Variants in LRRC75A observed in about 807,000 individuals in gnomAD.
The protein encoded by LRRC75A is leucine-rich repeat-containing protein 75A.
A neutral mutation model predicts 26.0 loss-of-function variants in LRRC75A; 12 were observed. The observed-to-expected ratio is 0.46, with a 90% confidence interval of 0.30 to 0.75. LRRC75A has a LOEUF of 0.75. Ranked by LOEUF, LRRC75A falls within the 30% of genes least tolerant of loss-of-function variation. The pLI is 0.08. For synonymous variants in LRRC75A, 223 were observed against 219.3 expected (o/e 1.02, Z -0.15); for missense variants, 410 against 486.6 (o/e 0.84, Z 1.48).
At chr17:16,472,307 C>T (rs1013035377) in intron 1 of LRRC75A, among the ~76,000 whole-genome samples, 3 of 151,388 alleles carry the variant, frequency 2.0e-5, no homozygotes, top group East Asian at 1.9e-4. Flanking sequence ...TGGGGCCTGG[C>T]GAGAGGAACC....
intron 2 of LRRC75A, among the ~76,000 whole-genome samples, chr17:16,459,720 TTC>T (rs1320164119): frequency 1.1e-4 from 16 of 152,176 alleles, no homozygotes; most frequent in Non-Finnish European, 1.9e-4. Flanking sequence ...TGACATGAAC[TTC>T]TCAGATGCAA....
intron 1 of LRRC75A, among the ~76,000 whole-genome samples, chr17:16,466,098 A>G (rs945084643): frequency 6.6e-6 from 1 of 152,234 alleles, no homozygotes; most frequent in African/African-American, 2.4e-5. Flanking sequence ...AACTGAGGGC[A>G]CTTCATAGTC....
At chr17:16,482,466 G>A (rs1337566890) in intron 1 of LRRC75A, among the ~76,000 whole-genome samples, 1 of 152,162 alleles carries the variant, frequency 6.6e-6, no homozygotes, top group Non-Finnish European at 1.5e-5. Context: ...GGAAGGCCAA[G>A]TGGGCAGGAG....
At chr17:16,463,352 C>G (rs1052560049) in intron 1 of LRRC75A, 1 of 152,508 alleles carries the variant, frequency 6.6e-6, no homozygotes, top group African/African-American at 2.4e-5. Context: ...CCCCCCCCTC[C>G]CAATTTCTGC....
chr17:16,455,057 C>T (rs1317988901), intron 2 of LRRC75A, among the ~76,000 whole-genome samples: 1 of 151,960 alleles, frequency 6.6e-6, no homozygotes, highest in Non-Finnish European at 1.5e-5. Flanking sequence ...CTTAGCCTCC[C>T]GAGTAGCTGG....
At chr17:16,468,306 G>A (rs1050742367) in intron 1 of LRRC75A, among the ~76,000 whole-genome samples, 4 of 152,194 alleles carry the variant, frequency 2.6e-5, no homozygotes, top group South Asian at 2.1e-4. Context: ...AAAACAATCC[G>A]GGTGGCCATG....
chr17:16,443,472 C>T lies in LRRC75A; in HGVS notation c.*116G>A. 6.0e-6 allele frequency: 6 copies of T among 1,006,412 alleles called. No homozygotes were observed. Among genetic ancestry groups the T allele is most frequent in the Non-Finnish European group, 4.2e-6 (3 of 714,718 alleles). The allele number at this position is 1,006,412 out of a possible 1,614,324, so 62.3% of individuals were successfully genotyped here. A position where few individuals can be genotyped will look rare whatever the true frequency, so the allele number is the denominator to read the frequency against. ...GGTTTGCCTTTCTGTAGGTGGGTGGCCCAGGCCAATTTTTGGCAATATCCT... is the reference window on the plus strand; with the variant it reads ...GGTTTGCCTTTCTGTAGGTGGGTGGTCCAGGCCAATTTTTGGCAATATCCT... On this transcript the variant is annotated 3_prime_UTR_variant, in exon 4 of 4. Coordinates refer to ENST00000470794, the MANE Select transcript of LRRC75A (RefSeq NM_001113567.3).
chr17:16,443,346 C>T lies in LRRC75A; in HGVS notation c.*242G>A, dbSNP rs1335672719. Reference sequence around the variant, plus strand: ...GCTGAGCTGAGAGGGTTCTCTGGGGCCTGGGATGACTTAAGAACCAAATGG... The same window carrying T: ...GCTGAGCTGAGAGGGTTCTCTGGGGTCTGGGATGACTTAAGAACCAAATGG... On this transcript the variant is annotated 3_prime_UTR_variant, in exon 4 of 4. Transcript: ENST00000470794. The T allele has an allele frequency of 2.0e-6, 1 of 489,434 alleles. No homozygotes were observed. Among genetic ancestry groups the T allele is most frequent in the Non-Finnish European group, 3.6e-6 (1 of 276,790 alleles). The allele number at this position is 489,434 out of a possible 1,614,324, so 30.3% of individuals were successfully genotyped here. A position where few individuals can be genotyped will look rare whatever the true frequency, so the allele number is the denominator to read the frequency against.
chr17:16,447,876 G>C lies in LRRC75A; in HGVS notation c.460C>G (p.Arg154Gly). The C allele has an allele frequency of 1.9e-6, 3 of 1,549,346 alleles. No individual in the cohort carries two copies. The highest frequency in any genetic ancestry group is 8.7e-7 in the Non-Finnish European group (1 of 1,146,366). The change falls in exon 3 of 4, where the codon CGG (arginine) becomes GGG (glycine). Residue 154 changes from arginine (R) to glycine (G), a missense_variant. Transcript: ENST00000470794. ...LSPHSQWRRHRGLVKRKPQAC... is the reference protein window; with the variant it reads ...LSPHSQWRRHGGLVKRKPQAC... ...TGTGGCTTCCTTTTCACCAGCCCCC[G>C]GTGCCGCCTCCACTGGGAGTGGGGG... is the stretch of plus-strand genomic sequence containing the variant.
chr17:16,485,658 G>GTC (rs2093844883), intron 1 of LRRC75A, among the ~76,000 whole-genome samples: 3 of 130,728 alleles, frequency 2.3e-5, no homozygotes, highest in South Asian at 4.6e-4. Flanking sequence ...GTGTGTGTGT[G>GTC]TGTGTGTGTG....
At chr17:16,465,613 T>C (rs2143226499) in intron 1 of LRRC75A, among the ~76,000 whole-genome samples, 1 of 152,310 alleles carries the variant, frequency 6.6e-6, no homozygotes. Context: ...CCCTGCCCCA[T>C]CTTCCTGGAC....
chr17:16,455,777 A>T (rs1333645742), intron 2 of LRRC75A, among the ~76,000 whole-genome samples: 1 of 152,242 alleles, frequency 6.6e-6, no homozygotes, highest in Non-Finnish European at 1.5e-5. Flanking sequence ...CCAGCTTGTA[A>T]GACGGAGTCA....
At chr17:16,476,177 G>C (rs959927623) in intron 1 of LRRC75A, among the ~76,000 whole-genome samples, 2 of 151,758 alleles carry the variant, frequency 1.3e-5, no homozygotes, top group African/African-American at 4.8e-5. Flanking sequence ...CCTGGGCAAA[G>C]AGCAAGACTC....
intron 1 of LRRC75A, among the ~76,000 whole-genome samples, chr17:16,472,944 A>G (rs2093811048): frequency 6.6e-6 from 1 of 152,224 alleles, no homozygotes; most frequent in Admixed American, 6.5e-5. Flanking sequence ...ACATCAAGAT[A>G]TTTAAAGAAA....
At chr17:16,463,390 TCCCTGA>T (rs964614632) in intron 1 of LRRC75A, 3 of 152,156 alleles carry the variant, frequency 2.0e-5, no homozygotes. Flanking sequence ...TACACGACAG[TCCCTGA>T]CCCTAGCTTG....
chr17:16,447,957 CT>C lies in LRRC75A; in HGVS notation c.378del (p.Gly127AlafsTer14). The C allele has an allele frequency of 6.4e-7, 1 of 1,551,022 alleles. No individual in the cohort carries two copies. The highest frequency in any genetic ancestry group is 8.7e-7 in the Non-Finnish European group (1 of 1,146,876). On this transcript the variant is annotated frameshift_variant and splice_region_variant, in exon 3 of 4. Coordinates refer to ENST00000470794, the MANE Select transcript of LRRC75A (RefSeq NM_001113567.3). LOFTEE classifies it high-confidence loss of function. ...TTCTCCATGGCGCCCAGTGCATCGC[CT>C]TCCTGCAGAGGCAACCATGGGTGGT... ...LARYIHCPKP[E>X]GDALGAMEKL...
intron 1 of LRRC75A, among the ~76,000 whole-genome samples, chr17:16,480,653 A>AAAAC (rs2093831900): frequency 1.3e-5 from 2 of 151,698 alleles, no homozygotes; most frequent in African/African-American, 4.9e-5. Flanking sequence ...CAAAAAAAAA[A>AAAAC]AACTGGAGAC....
intron 2 of LRRC75A, among the ~76,000 whole-genome samples, chr17:16,453,015 G>C (rs903228920): frequency 7.9e-5 from 12 of 152,158 alleles, no homozygotes; most frequent in African/African-American, 1.9e-4. Context: ...TAGAGGCCGG[G>C]CGCGGTAGTT....
chr17:16,475,922 G>A (rs2093818644), intron 1 of LRRC75A, among the ~76,000 whole-genome samples: 1 of 152,220 alleles, frequency 6.6e-6, no homozygotes, highest in Non-Finnish European at 1.5e-5. Flanking sequence ...GCCGGGCATG[G>A]TGGCTCATGC....
Sources: gnomAD v4.1 joint callset for allele counts (sites outside exome capture counted in the v4.1 genomes callset) on GRCh38, gnomAD v4.1.1 for gene constraint, MANE v1.5 for transcripts, NCBI Gene and HGNC (gene_info 2026-07-23, HGNC 2026-07-21) for gene names.